SLC27A2: variants seen among roughly 807,000 people sequenced by gnomAD.
The protein encoded by SLC27A2 is solute carrier family 27 member 2.
In SLC27A2, 54 loss-of-function variants were observed where a neutral mutation model predicts 60.0. The observed-to-expected ratio is 0.90, with a 90% CI of 0.72 to 1.13. The LOEUF (loss-of-function observed/expected upper bound fraction) is 1.13, where lower values mean the gene tolerates loss of function less well. SLC27A2 is among the 50% of genes most tolerant of loss of function. The pLI, the probability that SLC27A2 is intolerant of heterozygous loss-of-function variation, is 0.00. For synonymous variants in SLC27A2, 297 were observed against 297.6 expected, an observed-to-expected ratio of 1.00 and a Z score of 0.02; for missense variants, 739 against 777.6, an observed-to-expected ratio of 0.95 and a Z score of 0.59.
chr15:50,223,239 G>A (rs2140911517), intron 5 of SLC27A2, 80 bp downstream of exon 5: 2 of 1,040,774 alleles, frequency 1.9e-6, no homozygotes, highest in Non-Finnish European at 2.8e-6. Context: ...TCATGATGAT[G>A]TTATCAGAAG....
chr15:50,201,025 T>G (rs2045059662), intron 2 of SLC27A2, among the ~76,000 whole-genome samples: 1 of 152,202 alleles, frequency 6.6e-6, no homozygotes, highest in Non-Finnish European at 1.5e-5. Flanking sequence ...AGAAACTCAT[T>G]CTGTTGCCCA....
chr15:50,226,191 G>A, intron 6 of SLC27A2, 113 bp downstream of exon 6: 1 of 673,940 alleles, frequency 1.5e-6, no homozygotes, highest in Non-Finnish European at 2.7e-6. Context: ...TGGGGAAAAG[G>A]GGGGTTTATT....
At chr15:50,224,387 T>C (rs1316263374) in intron 5 of SLC27A2, among the ~76,000 whole-genome samples, 1 of 151,648 alleles carries the variant, frequency 6.6e-6, no homozygotes, top group Non-Finnish European at 1.5e-5. Flanking sequence ...TTGCAGTGAG[T>C]CGAGATCGCG....
At chr15:50,230,709 C>T (rs1389890416) in intron 8 of SLC27A2, among the ~76,000 whole-genome samples, 1 of 152,214 alleles carries the variant, frequency 6.6e-6, no homozygotes, top group African/African-American at 2.4e-5. Flanking sequence ...GCTGAGTTAA[C>T]ACAAGGGTCT....
intron 4 of SLC27A2, among the ~76,000 whole-genome samples, chr15:50,209,652 G>A (rs1335874367): frequency 6.6e-6 from 1 of 152,142 alleles, no homozygotes; most frequent in Non-Finnish European, 1.5e-5. Flanking sequence ...TGTGGGAGAT[G>A]GCATTTTTAG....
At chr15:50,195,834 TC>T (rs1295868785) in intron 1 of SLC27A2, among the ~76,000 whole-genome samples, 2 of 150,548 alleles carry the variant, frequency 1.3e-5, no homozygotes, top group Non-Finnish European at 3.0e-5. Flanking sequence ...GGCGGGCGGA[TC>T]CCGAGGTCAG....
chr15:50,202,827 CT>C (rs1224505784), intron 3 of SLC27A2, among the ~76,000 whole-genome samples, 182 bp downstream of exon 3: 3 of 152,026 alleles, frequency 2.0e-5, no homozygotes, highest in Non-Finnish European at 4.4e-5. Flanking sequence ...TTTTTCATGC[CT>C]GCCTATCTAA....
chr15:50,185,952 C>T (rs541274098), intron 1 of SLC27A2, among the ~76,000 whole-genome samples: 193 of 151,866 alleles, frequency 1.3e-3, no homozygotes, highest in African/African-American at 4.6e-3. Context: ...TAAAAACATT[C>T]TGAGGCTGGA....
Position 50,202,053 on chromosome 15 carries a change from G to T in SLC27A2, c.689-434G>T, listed in dbSNP as rs546968622. 3.3e-5 allele frequency among the ~76,000 whole-genome samples: 5 copies of T among 152,282 alleles called. No individual in the cohort carries two copies. In the South Asian group the frequency reaches 1.0e-3, roughly 32 times the overall value. ...TTTTAAAATGTCTTGCAAAGTGGTA[G>T]CCACAGGGCAGAAATTCAATGGACA... is the stretch of plus-strand genomic sequence containing the variant. On this transcript the variant is annotated intron_variant, in intron 2 of 9. Transcript: ENST00000267842.
chr15:50,190,021 C>T (rs2044960913), intron 1 of SLC27A2, among the ~76,000 whole-genome samples: 1 of 152,092 alleles, frequency 6.6e-6, no homozygotes, highest in Non-Finnish European at 1.5e-5. Context: ...TAAATTTTTG[C>T]TTACTCCTGG....
At chr15:50,217,066 A>T (rs2045203847) in intron 4 of SLC27A2, among the ~76,000 whole-genome samples, 1 of 151,620 alleles carries the variant, frequency 6.6e-6, no homozygotes, top group African/African-American at 2.4e-5. Flanking sequence ...AAGGCATGAG[A>T]ATAATACAAT....
chr15:50,208,470 A>G (rs1595686566), intron 4 of SLC27A2, among the ~76,000 whole-genome samples: 1 of 152,206 alleles, frequency 6.6e-6, no homozygotes, highest in African/African-American at 2.4e-5. Context: ...CCTACCTCAC[A>G]TGGGGTCTAT....
At chr15:50,201,633 G>A (rs773314654) in intron 2 of SLC27A2, among the ~76,000 whole-genome samples, 1 of 151,426 alleles carries the variant, frequency 6.6e-6, no homozygotes, top group Non-Finnish European at 1.5e-5. Context: ...TCGGCTCACT[G>A]CAACCTTTGC....
intron 1 of SLC27A2, among the ~76,000 whole-genome samples, chr15:50,185,472 G>A (rs964993007): frequency 2.0e-5 from 3 of 151,972 alleles, no homozygotes; most frequent in African/African-American, 7.3e-5. Context: ...ATGTTGAATG[G>A]ACTGATTCTT....
intron 2 of SLC27A2, chr15:50,198,553 C>G (rs967851732): frequency 6.6e-6 from 1 of 152,034 alleles, no homozygotes; most frequent in Non-Finnish European, 1.5e-5. Context: ...CAGCTCTACC[C>G]CAGTACCTTC....
In SLC27A2 at chr15:50,222,946, T is replaced by C. The variant is rs774593840; in HGVS notation, c.973-19T>C. On this transcript the variant is annotated intron_variant, in intron 4 of 9. Transcript: ENST00000267842. ...CCAGAGATGTTTCAGTTTGGTCTCCTTCTTCTCCCCCACCACAGAAACCAA... is the reference window on the plus strand; with the variant it reads ...CCAGAGATGTTTCAGTTTGGTCTCCCTCTTCTCCCCCACCACAGAAACCAA... 3.8e-6 allele frequency: 6 copies of C among 1,587,986 alleles called. No homozygotes were observed. In the South Asian group the frequency reaches 6.9e-5, roughly 18 times the overall value.
rs148301750 is a variant in SLC27A2 at position 50,223,187 on chromosome 15, C to T, written c.1167+28C>T. ...AAGTACATTGAAAAATGAGAGCATACGTAGCCAGTTTTCAGAATACAGAGA... is the reference window on the plus strand; with the variant it reads ...AAGTACATTGAAAAATGAGAGCATATGTAGCCAGTTTTCAGAATACAGAGA... On this transcript the variant is annotated intron_variant, in intron 5 of 9. Coordinates refer to ENST00000267842, the MANE Select transcript of SLC27A2 (RefSeq NM_003645.4). 1.3e-4 allele frequency: 194 copies of T among 1,537,928 alleles called. No individual in the cohort carries two copies. The African/African-American group carries it at 2.1e-3, about 17-fold the overall frequency.
chr15:50,221,318 G>T (rs2140910629), intron 4 of SLC27A2, among the ~76,000 whole-genome samples: 2 of 152,236 alleles, frequency 1.3e-5, no homozygotes, highest in South Asian at 4.2e-4. Flanking sequence ...CTGGCGGTGG[G>T]GTGGGGGTGG....
At chr15:50,219,686 C>T (rs1397341225) in intron 4 of SLC27A2, among the ~76,000 whole-genome samples, 1 of 152,160 alleles carries the variant, frequency 6.6e-6, no homozygotes, top group African/African-American at 2.4e-5. Flanking sequence ...TATTAGCTAT[C>T]ACCTTTCATA....
Sources: gnomAD v4.1 joint callset for allele counts (sites outside exome capture counted in the v4.1 genomes callset) on GRCh38, gnomAD v4.1.1 for gene constraint, MANE v1.5 for transcripts, NCBI Gene and HGNC (gene_info 2026-07-23, HGNC 2026-07-21) for gene names.